TTN: variants seen among roughly 807,000 people sequenced by gnomAD.
TTN encodes titin, also known as connectin.
TTN carries 1,525 observed loss-of-function variants against 3,223.0 expected under a neutral mutation model. The ratio of observed to expected loss-of-function variants is 0.47; its 90% CI spans 0.45 to 0.49. The LOEUF (loss-of-function observed/expected upper bound fraction) is 0.49. Ranked by LOEUF, TTN falls within the 20% of genes least tolerant of loss-of-function variation. The probability of loss-of-function intolerance (pLI) is 0.00; values close to 1 mark genes in which losing one functional copy is unlikely to be tolerated. For missense variants in TTN, 40,786 were observed against 43,424.0 expected (o/e 0.94, Z 5.40); for synonymous variants, 14,094 against 15,161.0 (o/e 0.93, Z 5.17).
chr2:178,781,166 T>G lies in TTN; in HGVS notation c.3478A>C (p.Asn1160His). The G allele has an allele frequency of 6.2e-7, 1 of 1,614,108 alleles. No individual in the cohort carries two copies. Among genetic ancestry groups the G allele is most frequent in the Non-Finnish European group, 8.5e-7 (1 of 1,179,978 alleles). The change falls in exon 21 of 363, where the codon AAT becomes CAT. Residue 1160 changes from asparagine (N) to histidine (H), a missense_variant. Transcript: ENST00000589042. ...DAGEYTIVVRNKHGETSASAS... is the reference protein window; with the variant it reads ...DAGEYTIVVRHKHGETSASAS... ...GATGCAGAAGTTTCTCCATGCTTAT[T>G]GCGAACAACAATAGTGTATTCTCCA...
Position 178,566,556 on chromosome 2 carries a change from T to C in TTN, c.79576A>G (p.Ile26526Val). Residue 26526 changes from isoleucine (I) to valine (V), a missense_variant, in exon 326 of 363, where the codon ATC (isoleucine) becomes GTC (valine). Coordinates refer to ENST00000589042, the MANE Select transcript of TTN (RefSeq NM_001267550.2). ...CATTCTTCTTCATCTGCTTTACAGATTTCTACTACATATCCCAAGATCTCA... is the reference window on the plus strand; with the variant it reads ...CATTCTTCTTCATCTGCTTTACAGACTTCTACTACATATCCCAAGATCTCA... ...GSEILGYVVE[I>V]CKADEEEWQI... The C allele has an allele frequency of 6.2e-7, 1 of 1,613,246 alleles. No homozygotes were observed. Among genetic ancestry groups the C allele is most frequent in the Non-Finnish European group, 8.5e-7 (1 of 1,179,708 alleles).
In TTN at chr2:178,571,067, G is replaced by T. The variant is rs374537008; in HGVS notation, c.75065C>A (p.Ser25022Tyr). ...GGGTTTCTTCCACTGAAGAGTCACA[G>T]AATTCCTTGTGACAATGATTGCCTC... Reference protein sequence around the residue: ...RPEAIIVTRNSVTLQWKKPTY... With the variant: ...RPEAIIVTRNYVTLQWKKPTY... Residue 25022 changes from serine to tyrosine, a missense_variant, in exon 326 of 363, where the codon TCT becomes TAT. Transcript: ENST00000589042. The T allele has an allele frequency of 6.2e-7, 1 of 1,612,842 alleles. No individual in the cohort carries two copies. Among genetic ancestry groups the T allele is most frequent in the African/African-American group, 1.3e-5 (1 of 75,010 alleles).
intron 2 of TTN, among the ~76,000 whole-genome samples, chr2:178,803,312 A>C (rs931423711): frequency 6.6e-6 from 1 of 152,156 alleles, no homozygotes; most frequent in Admixed American, 6.5e-5. Context: ...GAACAAGAAG[A>C]TATGAAGTAG....
intron 148 of TTN, 46 bp from the exon 149 acceptor site, chr2:178,675,800 A>G (rs1424808572): frequency 6.6e-7 from 1 of 1,522,330 alleles, no homozygotes; most frequent in Admixed American, 2.0e-5. Flanking sequence ...TCACACACAC[A>G]AAGACAAGTA....
chr2:178,695,475 T>G, intron 114 of TTN, 65 bp from the exon 115 acceptor site: 1 of 1,247,148 alleles, frequency 8.0e-7, no homozygotes, highest in Non-Finnish European at 1.2e-6. Flanking sequence ...GGTTGTTAAT[T>G]GCAAATGAGA....
chr2:178,637,584 A>C (rs765686361), intron 223 of TTN, among the ~76,000 whole-genome samples, 165 bp from the exon 224 acceptor site: 1 of 152,052 alleles, frequency 6.6e-6, no homozygotes, highest in Non-Finnish European at 1.5e-5. Flanking sequence ...CCAGGAAGGC[A>C]TATTCTGAGA....
intron 349 of TTN, chr2:178,542,050 A>G: frequency 4.4e-6 from 2 of 450,366 alleles, no homozygotes; most frequent in East Asian, 3.3e-5. Context: ...GAGTGAAGAT[A>G]TTAAAAAAAA....
intron 159 of TTN, 119 bp from the exon 160 acceptor site, chr2:178,667,840 G>A (rs964722128): frequency 2.3e-5 from 16 of 680,854 alleles, no homozygotes; most frequent in South Asian, 8.9e-5. Context: ...AGCACATAGA[G>A]GCAAATTAGT....
chr2:178,602,835 T>A (rs2053804619), intron 282 of TTN, among the ~76,000 whole-genome samples: 1 of 152,022 alleles, frequency 6.6e-6, no homozygotes, highest in Admixed American at 6.6e-5. Flanking sequence ...CTTCCTATCT[T>A]GTTAGATTTA....
chr2:178,531,116 G>C lies in TTN; in HGVS notation c.105499C>G (p.Gln35167Glu), dbSNP rs1558994144. 2.5e-6 allele frequency: 4 copies of C among 1,614,006 alleles called. No individual in the cohort carries two copies. The highest frequency in any genetic ancestry group is 1.1e-5 in the South Asian group (1 of 91,082). ...TGGCGGGCAGAAGTACTTAGCACTT[G>C]TCCTTTACGCAGCCAGGTCACAGTT... ...VPTVTWLRKGQVLSTSARHQV... is the reference protein window; with the variant it reads ...VPTVTWLRKGEVLSTSARHQV... Residue 35167 changes from glutamine (Q) to glutamate (E), a missense_variant, in exon 358 of 363, where the codon CAA becomes GAA. Coordinates refer to ENST00000589042, the MANE Select transcript of TTN (RefSeq NM_001267550.2).
Position 178,695,923 on chromosome 2 carries a change from C to T in TTN, c.31149G>A (p.Glu10383=), listed in dbSNP as rs727504724. The change falls in exon 114 of 363, where the codon GAG becomes GAA. Residue 10383 remains glutamate, a synonymous_variant. Coordinates refer to ENST00000589042, the MANE Select transcript of TTN (RefSeq NM_001267550.2). ...CCCTTTCTTGGTAAGCCTCTTCCCA[C>T]TCTTCCTCCCCTTCGTCATAGCCTT... ...REEGYDEGEE[E]WEEAYQEREV... 2.7e-6 allele frequency: 4 copies of T among 1,491,224 alleles called. No homozygotes were observed. Among genetic ancestry groups the T allele is most frequent in the South Asian group, 1.4e-5 (1 of 71,188 alleles). 92.4% of individuals were successfully genotyped at this position (1,491,224 alleles called of 1,614,324 possible).
At chr2:178,805,367 AAAAT>A (rs1486367229) in intron 1 of TTN, among the ~76,000 whole-genome samples, 1 of 150,532 alleles carries the variant, frequency 6.6e-6, no homozygotes, top group African/African-American at 2.4e-5. Flanking sequence ...AAAAAAAATT[AAAAT>A]AAATAAACCT....
rs199933004 is a variant in TTN at position 178,593,367 on chromosome 2, A to G, written c.58841T>C (p.Ile19614Thr). The change falls in exon 299 of 363, where the codon ATC (isoleucine) becomes ACC (threonine). Residue 19614 changes from isoleucine to threonine, a missense_variant. Transcript: ENST00000589042. ...AGACATAGTTTCTCTCTTTTCCAGG[A>G]TGTAGTTTGTGATGGGTTTTCCTCC... The part of the protein sequence containing the change: ...HDGGKPITNY[I>T]LEKRETMSKR... The G allele has an allele frequency of 4.5e-5, 73 of 1,613,170 alleles. No homozygotes were observed. The highest frequency in any genetic ancestry group is 1.7e-5 in the Admixed American group (1 of 59,940).
intron 47 of TTN, chr2:178,750,543 G>A (rs778154892): frequency 1.2e-6 from 2 of 1,612,480 alleles, no homozygotes. Context: ...TAAACTTCTT[G>A]AGATTCAATT....
In TTN at chr2:178,694,828, C is replaced by T. The variant is rs2073306650; in HGVS notation, c.31348+1G>A. ...GGTGCTAGGAATGTTTTAAATAATACCTTTGGTGACTTGAACTTTTTCTTC... is the reference window on the plus strand; with the variant it reads ...GGTGCTAGGAATGTTTTAAATAATATCTTTGGTGACTTGAACTTTTTCTTC... On this transcript the variant is annotated splice_donor_variant, in intron 116 of 362. Coordinates refer to ENST00000589042, the MANE Select transcript of TTN (RefSeq NM_001267550.2). LOFTEE classifies it high-confidence loss of function. 1 of 1,555,334 alleles carries T rather than the reference C, an allele frequency of 6.4e-7. No homozygotes were observed. The highest frequency in any genetic ancestry group is 1.2e-5 in the South Asian group (1 of 84,318).
At chr2:178,702,711 T>C in intron 106 of TTN, 48 bp from the exon 107 acceptor site, 18 of 1,475,310 alleles carry the variant, frequency 1.2e-5, no homozygotes, top group Non-Finnish European at 1.4e-5. Flanking sequence ...TAGAGAGGAA[T>C]TTCTTTTACT....
rs577619483 is a variant in TTN at position 178,627,928 on chromosome 2, T to A, written c.44424+1373A>T. On this transcript the variant is annotated intron_variant, in intron 240 of 362. Coordinates refer to ENST00000589042, the MANE Select transcript of TTN (RefSeq NM_001267550.2). ...GACATGAAGTTAATTAAATCATGCATGATAGGCAAAATATATTTTTTCAAA... is the reference window on the plus strand; with the variant it reads ...GACATGAAGTTAATTAAATCATGCAAGATAGGCAAAATATATTTTTTCAAA... Among the ~76,000 whole-genome samples the A allele has an allele frequency of 2.6e-4, 40 of 152,232 alleles. 1 individual carries two copies. The highest frequency in any genetic ancestry group is 9.1e-4 in the African/African-American group (38 of 41,584).
chr2:178,791,456 G>A (rs1574881627), intron 10 of TTN, among the ~76,000 whole-genome samples: 2 of 152,154 alleles, frequency 1.3e-5, no homozygotes, highest in African/African-American at 2.4e-5. Context: ...TTTCACATAC[G>A]GGAGAGATGT....
Position 178,692,544 on chromosome 2 carries a change from ACTT to A in TTN, c.31628_31630del (p.Glu10543del). 3 of 1,578,182 alleles carry A rather than the reference ACTT, an allele frequency of 1.9e-6. No individual in the cohort carries two copies. In the Middle Eastern group the frequency reaches 5.0e-4, roughly 265 times the overall value. On this transcript the variant is annotated inframe_deletion, in exon 120 of 363. Coordinates refer to ENST00000589042, the MANE Select transcript of TTN (RefSeq NM_001267550.2). ...TTTTTTAGGGATAGGAACAGGGGCC[ACTT>A]CTTCTGGAGCTGGTTTCTCAGGTAG...
Sources: gnomAD v4.1 joint callset for allele counts (sites outside exome capture counted in the v4.1 genomes callset) on GRCh38, gnomAD v4.1.1 for gene constraint, MANE v1.5 for transcripts, NCBI Gene and HGNC (gene_info 2026-07-23, HGNC 2026-07-21) for gene names.